SLC7A7: variants seen among roughly 807,000 people sequenced by gnomAD.
SLC7A7 encodes solute carrier family 7 member 7, also known as Y+L amino acid transporter 1.
A neutral mutation model predicts 47.9 loss-of-function variants in SLC7A7; 39 were observed. The ratio of observed to expected loss-of-function variants is 0.81; its 90% CI spans 0.63 to 1.06. The LOEUF (loss-of-function observed/expected upper bound fraction) is 1.06. SLC7A7 is among the 50% of genes least tolerant of loss of function. SLC7A7 has a pLI of 0.00. For missense variants in SLC7A7, 588 were observed against 632.0 expected (o/e 0.93, Z 0.75); for synonymous variants, 234 against 242.8 (o/e 0.96, Z 0.34).
intron 2 of SLC7A7, 110 bp downstream of exon 2, chr14:22,812,790 T>TATATATATA (rs2039333654): frequency 1.3e-6 from 1 of 772,314 alleles, no homozygotes; most frequent in South Asian, 2.0e-5. Context: ...TATATATATA[T>TATATATATA]ATGTTGTCAG....
At chr14:22,776,440 C>G in intron 4 of SLC7A7, 122 bp from the exon 5 acceptor site, 1 of 1,293,998 alleles carries the variant, frequency 7.7e-7, no homozygotes, top group Non-Finnish European at 1.1e-6. Context: ...GCTACATTTC[C>G]TCAATGCATT....
intron 3 of SLC7A7, among the ~76,000 whole-genome samples, chr14:22,779,471 G>C (rs78324567): frequency 1.8e-4 from 27 of 151,128 alleles, no homozygotes; most frequent in East Asian, 7.8e-4. Context: ...TTTTTTGGGG[G>C]GGGGACAGAG....
chr14:22,813,615 A>G (rs2039358937), intron 1 of SLC7A7, among the ~76,000 whole-genome samples, 175 bp from the exon 2 acceptor site: 1 of 151,990 alleles, frequency 6.6e-6, no homozygotes, highest in Non-Finnish European at 1.5e-5. Context: ...TTGTCTATCT[A>G]TCTATGTATT....
At position 22,814,423 on chromosome 14, in the gene SLC7A7, G is replaced by C. The variant is rs567516702; in HGVS notation, c.-43+897C>G. The stretch of plus-strand genomic sequence containing the variant: ...CACTTGAGCCCGGGAGGCAGAGGTT[G>C]CGGTAAGCTAAGACTGGGCCATTGC... On this transcript the variant is annotated intron_variant, in intron 1 of 9. Coordinates refer to ENST00000674313, the MANE Select transcript of SLC7A7 (RefSeq NM_003982.4). 3.3e-5 allele frequency among the ~76,000 whole-genome samples: 5 copies of C among 152,020 alleles called. No individual in the cohort carries two copies. In the East Asian group the frequency reaches 5.9e-4, roughly 18 times the overall value.
At chr14:22,796,942 C>T (rs565003946) in intron 2 of SLC7A7, among the ~76,000 whole-genome samples, 2 of 152,040 alleles carry the variant, frequency 1.3e-5, no homozygotes, top group African/African-American at 2.4e-5. Flanking sequence ...AGACAGCATG[C>T]GGAAGGTAAA....
At position 22,783,441 on chromosome 14, in the gene SLC7A7, C is replaced by T. The variant is rs537085000; in HGVS notation, c.500-3390G>A. On this transcript the variant is annotated intron_variant, in intron 2 of 9. Coordinates refer to ENST00000674313, the MANE Select transcript of SLC7A7 (RefSeq NM_003982.4). ...TTTTCGAGACAGTCTTGCTCCGTCCCCCAGGCTGGAGTACAGTGGTGCGAT... is the reference window on the plus strand; with the variant it reads ...TTTTCGAGACAGTCTTGCTCCGTCCTCCAGGCTGGAGTACAGTGGTGCGAT... Among the ~76,000 whole-genome samples, 179 of 151,502 alleles carry T rather than the reference C, an allele frequency of 1.2e-3. 1 individual carries two copies. Among genetic ancestry groups the T allele is most frequent in the African/African-American group, 4.0e-3 (164 of 41,256 alleles).
chr14:22,773,870 T>C, intron 9 of SLC7A7, 63 bp downstream of exon 9: 1 of 1,605,260 alleles, frequency 6.2e-7, no homozygotes, highest in South Asian at 1.1e-5. Flanking sequence ...AGGCTGGATT[T>C]ACAGAAAAAG....
chr14:22,817,515 G>A (rs1391564634), upstream of SLC7A7, among the ~76,000 whole-genome samples: 3 of 151,886 alleles, frequency 2.0e-5, no homozygotes, highest in African/African-American at 7.3e-5. Context: ...AATCTTTTTT[G>A]TTTTTAGTAG....
At chr14:22,778,020 AGCCAAGATCAC>A (rs2139393225) in intron 4 of SLC7A7, among the ~76,000 whole-genome samples, 1 of 152,326 alleles carries the variant, frequency 6.6e-6, no homozygotes, top group African/African-American at 2.4e-5. Flanking sequence ...GGTTGCAATG[AGCCAAGATCAC>A]GCCATTGCAC....
chr14:22,817,030 A>T (rs929005554), upstream of SLC7A7, among the ~76,000 whole-genome samples: 3 of 151,848 alleles, frequency 2.0e-5, no homozygotes, highest in African/African-American at 7.2e-5. Flanking sequence ...ACATTATCTC[A>T]TGGAACCTCC....
upstream of SLC7A7, among the ~76,000 whole-genome samples, chr14:22,818,732 T>C (rs919835000): frequency 2.6e-5 from 4 of 152,000 alleles, no homozygotes; most frequent in African/African-American, 9.7e-5. Context: ...TAGCTGGGAT[T>C]ACAGGTGCCC....
intron 7 of SLC7A7, 32 bp downstream of exon 7, chr14:22,775,412 T>G: frequency 6.4e-7 from 1 of 1,561,254 alleles, no homozygotes. Flanking sequence ...CCCCGCAATC[T>G]GGCTTTCAGT....
At chr14:22,800,670 C>T (rs2039096506) in intron 2 of SLC7A7, among the ~76,000 whole-genome samples, 1 of 122,478 alleles carries the variant, frequency 8.2e-6, no homozygotes, top group Admixed American at 9.5e-5. Context: ...TGCGGTGGCT[C>T]ACACCCGTAA....
chr14:22,790,865 G>A (rs1347499867), intron 2 of SLC7A7, among the ~76,000 whole-genome samples: 1 of 151,980 alleles, frequency 6.6e-6, no homozygotes, highest in African/African-American at 2.4e-5. Flanking sequence ...GGGTGTGGTG[G>A]TGTGCGCCTG....
chr14:22,780,058 G>C lies in SLC7A7; in HGVS notation c.500-7C>G. The C allele has an allele frequency of 1.2e-6, 2 of 1,613,896 alleles. No individual in the cohort carries two copies. Among genetic ancestry groups the C allele is most frequent in the Non-Finnish European group, 1.7e-6 (2 of 1,179,872 alleles). On this transcript the variant is annotated splice_region_variant and splice_polypyrimidine_tract_variant and intron_variant, in intron 2 of 9. Coordinates refer to ENST00000674313, the MANE Select transcript of SLC7A7 (RefSeq NM_003982.4). The stretch of plus-strand genomic sequence containing the variant: ...TTAATGAAGGTTAAGAGACCTGAAA[G>C]AAAAATAATACTGATTGGTGACTTA...
At chr14:22,776,929 A>G (rs2038620520) in intron 4 of SLC7A7, among the ~76,000 whole-genome samples, 2 of 151,306 alleles carry the variant, frequency 1.3e-5, no homozygotes, top group African/African-American at 2.4e-5. Flanking sequence ...AAATTGTGCC[A>G]CTGCACTCCA....
Position 22,780,330 on chromosome 14 carries a change from A to G in SLC7A7, c.500-279T>C, listed in dbSNP as rs12433985. 156,932 of 401,214 alleles carry G rather than the reference A, an allele frequency of 0.39. 32,511 individuals carry two copies. Among genetic ancestry groups the G allele is most frequent in the East Asian group, 0.66 (11,976 of 18,172 alleles). The allele number at this position is 401,214 out of a possible 1,614,324, so 24.9% of individuals were successfully genotyped here. ...CATAAAAAATACATCCAAATGTCCA[A>G]TCACAGCAGTGGGAGGCAACTGGGA... On this transcript the variant is annotated intron_variant, in intron 2 of 9. Transcript: ENST00000674313.
At position 22,775,736 on chromosome 14, in the gene SLC7A7, G is replaced by A. The variant is rs796228960; in HGVS notation, c.998+97C>T. ...CAAGAAGAAAGAGGTTGTGGTATCG[G>A]TTGGAGAACACAAGTAATCAAAGGC... is the stretch of plus-strand genomic sequence containing the variant. On this transcript the variant is annotated intron_variant, in intron 6 of 9. Coordinates refer to ENST00000674313, the MANE Select transcript of SLC7A7 (RefSeq NM_003982.4). 1.5e-5 allele frequency: 15 copies of A among 996,666 alleles called. No homozygotes were observed. The African/African-American group carries it at 2.4e-4, about 16-fold the overall frequency. 61.7% of individuals were successfully genotyped at this position (996,666 alleles called of 1,614,324 possible). A position where few individuals can be genotyped will look rare whatever the true frequency, so the allele number is the denominator to read the frequency against.
At position 22,774,100 on chromosome 14, in the gene SLC7A7, G is replaced by T; in HGVS notation, c.1262C>A (p.Pro421Gln). ...GATGGTGCAGAGGCAGAAGACAATC[G>T]GGAAGAAAACGCTGAGCTAAGGGCA... ...PRPLKLSVFF[P>Q]IVFCLCTIFL... The change falls in exon 9 of 10, where the codon CCG becomes CAG. Residue 421 changes from proline (P) to glutamine (Q), a missense_variant. Pro to Gln is a moderately conservative substitution (Grantham distance 76, BLOSUM62 -1). Coordinates refer to ENST00000674313, the MANE Select transcript of SLC7A7 (RefSeq NM_003982.4). The T allele has an allele frequency of 6.2e-7, 1 of 1,614,098 alleles. No homozygotes were observed. The highest frequency in any genetic ancestry group is 8.5e-7 in the Non-Finnish European group (1 of 1,180,022).
Sources: allele counts gnomAD v4.1 joint callset (sites outside exome capture counted in the v4.1 genomes callset), GRCh38; gene constraint gnomAD v4.1.1; transcripts MANE v1.5; gene names NCBI Gene and HGNC (gene_info 2026-07-23, HGNC 2026-07-21).